Variants in SEPTIN9 observed in about 807,000 individuals in gnomAD.
SEPTIN9 encodes septin-9.
A neutral mutation model predicts 56.6 loss-of-function variants in SEPTIN9; 13 were observed. That is an observed-to-expected ratio of 0.23 (90% CI 0.15 to 0.37). The LOEUF is 0.37. Ranked by LOEUF, SEPTIN9 falls within the 10% of genes least tolerant of loss-of-function variation. The pLI is 1.00. For missense variants in SEPTIN9, 650 were observed against 823.1 expected (o/e 0.79, Z 2.57); for synonymous variants, 332 against 334.1 (o/e 0.99, Z 0.07).
intron 2 of SEPTIN9, among the ~76,000 whole-genome samples, chr17:77,331,817 C>T (rs1437497022): frequency 6.6e-6 from 1 of 152,180 alleles, no homozygotes; most frequent in African/African-American, 2.4e-5. Context: ...CTTGGGGTTC[C>T]TGTCCTAACT....
At chr17:77,357,907 T>A (rs2034304093) in intron 2 of SEPTIN9, among the ~76,000 whole-genome samples, 1 of 152,202 alleles carries the variant, frequency 6.6e-6, no homozygotes, top group Admixed American at 6.5e-5. Flanking sequence ...ATTAACACTG[T>A]GCGACCCTCA....
chr17:77,402,514 G>A lies in SEPTIN9; in HGVS notation c.532G>A (p.Ala178Thr), dbSNP rs745566208. 1.9e-6 allele frequency: 3 copies of A among 1,603,848 alleles called. No homozygotes were observed. Among genetic ancestry groups the A allele is most frequent in the Non-Finnish European group, 2.6e-6 (3 of 1,175,814 alleles). ...CTCCAAGGTCCCCGAGGTGCCCACT[G>A]CCCCTGCCACCGACGCAGCCCCCAA... ...PASKVPEVPT[A>T]PATDAAPKRV... is the part of the protein sequence containing the mutation. Residue 178 changes from alanine (A) to threonine (T), a missense_variant, in exon 3 of 12, where the codon GCC (alanine) becomes ACC (threonine). By Grantham distance (58) the Ala-to-Thr change is moderately conservative (BLOSUM62 0). Transcript: ENST00000427177. This position sits in a 1 kb window ranked among gnomAD's most constrained non-coding sequence, Gnocchi z 6.6.
Position 77,430,672 on chromosome 17 carries a change from G to A in SEPTIN9, c.721+27969G>A, listed in dbSNP as rs1222139158. Among the ~76,000 whole-genome samples the A allele has an allele frequency of 2.6e-5, 4 of 152,206 alleles. 1 individual carries two copies. Among genetic ancestry groups the A allele is most frequent in the Admixed American group, 1.3e-4 (2 of 15,284 alleles). On this transcript the variant is annotated intron_variant, in intron 3 of 11. Transcript: ENST00000427177. ...GAACTTTTCATCTGCTTGGCCAGGTGATGCCAAGGGGCAGAGGTTAGAAGT... is the reference window on the plus strand; with the variant it reads ...GAACTTTTCATCTGCTTGGCCAGGTAATGCCAAGGGGCAGAGGTTAGAAGT...
Position 77,318,902 on chromosome 17 carries a change from G to A in SEPTIN9, c.76+11705G>A, listed in dbSNP as rs1425433505. Among the ~76,000 whole-genome samples, 2 of 152,154 alleles carry A rather than the reference G, an allele frequency of 1.3e-5. No homozygotes were observed. The highest frequency in any genetic ancestry group is 4.8e-5 in the African/African-American group (2 of 41,418). On this transcript the variant is annotated intron_variant, in intron 2 of 11. Transcript: ENST00000427177. This position sits in a 1 kb window ranked among gnomAD's most constrained non-coding sequence, Gnocchi z 4.9. ...CCTGCGGGGTGTGTCGAGGTAGAGG[G>A]GTGCAAATATTGTAAATTTGTTGGG...
chr17:77,296,896 A>G (rs2031842369), intron 1 of SEPTIN9, among the ~76,000 whole-genome samples: 1 of 152,178 alleles, frequency 6.6e-6, no homozygotes, highest in Admixed American at 6.5e-5. Context: ...AGATAGCTAG[A>G]TAGATGACAG....
Position 77,389,538 on chromosome 17 carries a change from C to T in SEPTIN9, c.77-12521C>T, listed in dbSNP as rs1200370483. 6.6e-6 allele frequency among the ~76,000 whole-genome samples: 1 copy of T among 152,174 alleles called. No individual in the cohort carries two copies. Among genetic ancestry groups the T allele is most frequent in the Non-Finnish European group, 1.5e-5 (1 of 68,030 alleles). On this transcript the variant is annotated intron_variant, in intron 2 of 11. Transcript: ENST00000427177. This position sits in a 1 kb window ranked among gnomAD's most constrained non-coding sequence, Gnocchi z 4.3. ...TTTCGAAGTCAATCACCTCCCAGGG[C>T]CTCGCTCCTGCCTTCAGCGACAGCC...
At chr17:77,355,391 C>T (rs959613401) in intron 2 of SEPTIN9, among the ~76,000 whole-genome samples, 6 of 152,202 alleles carry the variant, frequency 3.9e-5, no homozygotes, top group Non-Finnish European at 7.3e-5. Flanking sequence ...AAGGGCTGTG[C>T]GTGTAGGATT....
intron 2 of SEPTIN9, among the ~76,000 whole-genome samples, chr17:77,321,260 G>A (rs1264227984): frequency 6.6e-6 from 1 of 152,072 alleles, no homozygotes; most frequent in East Asian, 1.9e-4. Flanking sequence ...CAACCCCTAC[G>A]TGCCTTGGGC....
At chr17:77,415,645 GAAA>G (rs75771886) in intron 3 of SEPTIN9, among the ~76,000 whole-genome samples, 4 of 76,770 alleles carry the variant, frequency 5.2e-5, no homozygotes, top group African/African-American at 2.0e-4. Context: ...AAAAAAAAAA[GAAA>G]AAAAAAGAAA....
chr17:77,314,982 G>A lies in SEPTIN9; in HGVS notation c.76+7785G>A, dbSNP rs552633873. ...CTGGCTCCTACTGGGCCCCTGTGGA[G>A]CCCAGATTGTTGTGAGAAGGGGTGG... On this transcript the variant is annotated intron_variant, in intron 2 of 11. Coordinates refer to ENST00000427177, the MANE Select transcript of SEPTIN9 (RefSeq NM_001113491.2). Among the ~76,000 whole-genome samples, 21 of 152,344 alleles carry A rather than the reference G, an allele frequency of 1.4e-4. No homozygotes were observed. In the South Asian group the frequency reaches 3.9e-3, roughly 29 times the overall value.
chr17:77,286,344 G>A lies in SEPTIN9; in HGVS notation c.19+4790G>A, dbSNP rs185483532. 192 of 152,462 alleles carry A rather than the reference G, an allele frequency of 1.3e-3. 2 individuals are homozygous for A. Among genetic ancestry groups the A allele is most frequent in the Admixed American group, 0.011 (163 of 15,310 alleles). 9.4% of individuals were successfully genotyped at this position (152,462 alleles called of 1,614,324 possible). A position where few individuals can be genotyped will look rare whatever the true frequency, so the allele number is the denominator to read the frequency against. On this transcript the variant is annotated intron_variant, in intron 1 of 11. Coordinates refer to ENST00000427177, the MANE Select transcript of SEPTIN9 (RefSeq NM_001113491.2). ...CCTGCCCAGAGGGATTCTGATAGCC[G>A]AGGGCAATGCACCTGGCAGCGGAGC...
At chr17:77,308,906 T>C (rs2032373109) in intron 2 of SEPTIN9, among the ~76,000 whole-genome samples, 2 of 152,230 alleles carry the variant, frequency 1.3e-5, no homozygotes, top group South Asian at 4.1e-4. Context: ...TGGGACTGTA[T>C]GTGGGAAGAG....
At chr17:77,461,119 A>G (rs1242072106) in intron 3 of SEPTIN9, among the ~76,000 whole-genome samples, 1 of 152,012 alleles carries the variant, frequency 6.6e-6, no homozygotes, top group African/African-American at 2.4e-5. Context: ...AGCCTGGCCA[A>G]CATGGAGAAA....
At chr17:77,390,994 C>T (rs965069708) in intron 2 of SEPTIN9, among the ~76,000 whole-genome samples, 1 of 152,200 alleles carries the variant, frequency 6.6e-6, no homozygotes, top group African/African-American at 2.4e-5. Context: ...CAGCAGAAAG[C>T]TCTGCGGCTG....
intron 1 of SEPTIN9, among the ~76,000 whole-genome samples, chr17:77,305,093 G>T (rs2032207956): frequency 6.6e-6 from 1 of 152,158 alleles, no homozygotes; most frequent in African/African-American, 2.4e-5. Context: ...GCTTCCTGGA[G>T]ATCTGCGCCG....
chr17:77,482,292 G>A lies in SEPTIN9; in HGVS notation c.870G>A (p.Arg290=), dbSNP rs746630761. The A allele has an allele frequency of 5.4e-5, 87 of 1,613,102 alleles. No homozygotes were observed. Among genetic ancestry groups the A allele is most frequent in the Non-Finnish European group, 7.2e-5 (85 of 1,179,902 alleles). ...ACTCCATCCTGGAGCAGATGCGCCGGAAGGCCATGAAGCAGGGCTTCGAGT... is the reference window on the plus strand; with the variant it reads ...ACTCCATCCTGGAGCAGATGCGCCGAAAGGCCATGAAGCAGGGCTTCGAGT... ...GIDSILEQMR[R]KAMKQGFEFN... Residue 290 remains arginine (R), a synonymous_variant, in exon 4 of 12, where the codon CGG becomes CGA. Coordinates refer to ENST00000427177, the MANE Select transcript of SEPTIN9 (RefSeq NM_001113491.2).
At position 77,405,711 on chromosome 17, in the gene SEPTIN9, C is replaced by T. The variant is rs1012877382; in HGVS notation, c.721+3008C>T. Among the ~76,000 whole-genome samples the T allele has an allele frequency of 6.6e-6, 1 of 151,986 alleles. No individual in the cohort carries two copies. The highest frequency in any genetic ancestry group is 1.5e-5 in the Non-Finnish European group (1 of 67,964). On this transcript the variant is annotated intron_variant, in intron 3 of 11. Coordinates refer to ENST00000427177, the MANE Select transcript of SEPTIN9 (RefSeq NM_001113491.2). The surrounding 1 kb of genome is among the most constrained non-coding windows in gnomAD (Gnocchi z 5.8). ...TTCTCGGGGGGCCCAGGCCTGAGCCCCACTAGTTCTTCCTCCGAGGCACCA... is the reference window on the plus strand; with the variant it reads ...TTCTCGGGGGGCCCAGGCCTGAGCCTCACTAGTTCTTCCTCCGAGGCACCA...
chr17:77,322,227 C>G (rs1009022985), intron 2 of SEPTIN9, among the ~76,000 whole-genome samples: 2 of 152,198 alleles, frequency 1.3e-5, no homozygotes, highest in Non-Finnish European at 2.9e-5. Context: ...TGATGGCACC[C>G]TCCCAGGCTC....
In SEPTIN9 at chr17:77,404,941, G is replaced by A; in HGVS notation, c.721+2238G>A. ...ATGGGCAGTTTGCAGAGTGGCAGGAGGCTGTTTCCTCCCCTGCCTTCTGTT... is the reference window on the plus strand; with the variant it reads ...ATGGGCAGTTTGCAGAGTGGCAGGAAGCTGTTTCCTCCCCTGCCTTCTGTT... On this transcript the variant is annotated intron_variant, in intron 3 of 11. Coordinates refer to ENST00000427177, the MANE Select transcript of SEPTIN9 (RefSeq NM_001113491.2). 2 of 719,780 alleles carry A rather than the reference G, an allele frequency of 2.8e-6. 1 individual carries two copies. The highest frequency in any genetic ancestry group is 3.7e-5 in the South Asian group (2 of 53,398). 44.6% of individuals were successfully genotyped at this position (719,780 alleles called of 1,614,324 possible).
Sources: allele counts gnomAD v4.1 joint callset (sites outside exome capture counted in the v4.1 genomes callset), GRCh38; gene constraint gnomAD v4.1.1; non-coding constraint Gnocchi (gnomAD v3.1); transcripts MANE v1.5; gene names NCBI Gene and HGNC (gene_info 2026-07-23, HGNC 2026-07-21).